The following MYLK variants were observed in gnomAD, a reference collection of about 807,000 sequenced individuals.
MYLK encodes myosin light chain kinase, also known as myosin light chain kinase, smooth muscle.
Under a neutral mutation model 203.4 loss-of-function variants are expected in MYLK, and 106 were observed. That is an observed-to-expected ratio of 0.52 (90% CI 0.45 to 0.61). The LOEUF (loss-of-function observed/expected upper bound fraction) is 0.61, where lower values mean the gene tolerates loss of function less well. Among genes scored for constraint, MYLK ranks in the 20% least tolerant of loss-of-function variants. MYLK has a pLI of 0.00. For missense variants in MYLK, 2,072 were observed against 2,442.3 expected, an observed-to-expected ratio of 0.85 and a Z score of 3.20; for synonymous variants, 867 against 959.5, an observed-to-expected ratio of 0.90 and a Z score of 1.78.
intron 9 of MYLK, 151 bp downstream of exon 9, chr3:123,735,247 C>A: frequency 1.9e-6 from 2 of 1,070,284 alleles, no homozygotes; most frequent in Non-Finnish European, 2.9e-6. Flanking sequence ...AATAGGAGAA[C>A]AAGACAAAAC....
At position 123,657,253 on chromosome 3, in the gene MYLK, G is replaced by A. The variant is rs775333232; in HGVS notation, c.4161C>T (p.Thr1387=). The A allele has an allele frequency of 3.7e-6, 6 of 1,614,190 alleles. No homozygotes were observed. Among genetic ancestry groups the A allele is most frequent in the Middle Eastern group, 3.3e-4 (2 of 6,062 alleles). The change falls in exon 24 of 34, where the codon ACC becomes ACT. Residue 1387 remains threonine, a synonymous_variant. Transcript: ENST00000360304. ...TWKELATCRS[T]SFNVQDLLPD... ...GCAGCAGGTCCTGGACGTTGAAAGA[G>A]GTGCTGCGGCATGTGGCTAGTTCCT...
At chr3:123,649,681 A>G (rs903637628) in intron 24 of MYLK, among the ~76,000 whole-genome samples, 1 of 152,218 alleles carries the variant, frequency 6.6e-6, no homozygotes, top group South Asian at 2.1e-4. Flanking sequence ...TTCAAAACAT[A>G]TTACACAGAA....
chr3:123,694,982 A>G (rs2060852817), intron 18 of MYLK, among the ~76,000 whole-genome samples: 1 of 152,084 alleles, frequency 6.6e-6, no homozygotes, highest in African/African-American at 2.4e-5. Flanking sequence ...GGGATGGGAG[A>G]GGTCAGCATC....
chr3:123,844,614 T>C (rs934998309), intron 2 of MYLK, among the ~76,000 whole-genome samples: 1 of 152,058 alleles, frequency 6.6e-6, no homozygotes, highest in African/African-American at 2.4e-5. Flanking sequence ...CTCCATCGGG[T>C]TGTGATAAAG....
rs181207126 is a variant in MYLK at position 123,860,349 on chromosome 3, G to C, written c.-127+16210C>G. Among the ~76,000 whole-genome samples the C allele has an allele frequency of 6.1e-4, 93 of 152,286 alleles. 2 individuals carry two copies. The South Asian group carries it at 0.011, about 18-fold the overall frequency. On this transcript the variant is annotated intron_variant, in intron 2 of 33. Coordinates refer to ENST00000360304, the MANE Select transcript of MYLK (RefSeq NM_053025.4). ...CACTGGGGTGGACAGCTGGCTGCTCGAATTCTTTGATCAGGGCACTGCTGT... is the reference window on the plus strand; with the variant it reads ...CACTGGGGTGGACAGCTGGCTGCTCCAATTCTTTGATCAGGGCACTGCTGT...
intron 11 of MYLK, among the ~76,000 whole-genome samples, chr3:123,727,366 G>A (rs2062327153): frequency 6.6e-6 from 1 of 152,258 alleles, no homozygotes; most frequent in African/African-American, 2.4e-5. Context: ...GCCTTTGGGA[G>A]TTATCAAAAA....
chr3:123,761,674 A>T (rs1463391), intron 4 of MYLK, among the ~76,000 whole-genome samples: 146,867 of 152,310 alleles, frequency 0.96, 71,056 homozygotes, highest in Middle Eastern at 1. Flanking sequence ...TTGTTTCTCA[A>T]GCAATGTCAG....
rs144651189 is a variant in MYLK, at chr3:123,726,188, C to A, written c.1517-110G>T. 1.6e-4 allele frequency: 226 copies of A among 1,408,068 alleles called. 2 individuals are homozygous for A. The African/African-American group carries it at 2.8e-3, about 18-fold the overall frequency. 87.2% of individuals were successfully genotyped at this position (1,408,068 alleles called of 1,614,324 possible). ...CCTCACTGTCCTGGACACCTGGGTA[C>A]CCTCGGCAGCCTGCCTTTGGCTTCT... On this transcript the variant is annotated intron_variant, in intron 11 of 33. Coordinates refer to ENST00000360304, the MANE Select transcript of MYLK (RefSeq NM_053025.4).
At chr3:123,821,634 GCCTC>G (rs1305514396) in intron 3 of MYLK, among the ~76,000 whole-genome samples, 10 of 152,114 alleles carry the variant, frequency 6.6e-5, no homozygotes, top group Admixed American at 5.9e-4. Context: ...TGCTGGTCCT[GCCTC>G]CCCCAAGATG....
At chr3:123,875,918 G>C (rs758601078) in intron 2 of MYLK, among the ~76,000 whole-genome samples, 6 of 152,022 alleles carry the variant, frequency 3.9e-5, no homozygotes, top group Non-Finnish European at 8.8e-5. Context: ...TTAACTTTTA[G>C]AAAAAGATAT....
At chr3:123,797,329 C>T (rs1168488369) in intron 3 of MYLK, among the ~76,000 whole-genome samples, 3 of 152,052 alleles carry the variant, frequency 2.0e-5, no homozygotes, top group Non-Finnish European at 2.9e-5. Context: ...AAGATATATT[C>T]ATTCACTCAA....
chr3:123,667,518 C>T (rs551161121), intron 20 of MYLK, among the ~76,000 whole-genome samples: 7 of 151,848 alleles, frequency 4.6e-5, no homozygotes, highest in African/African-American at 9.7e-5. Flanking sequence ...GCAGGAGAAT[C>T]GCTTTAACCT....
At chr3:123,833,774 T>C (rs2066406303) in intron 2 of MYLK, among the ~76,000 whole-genome samples, 1 of 152,192 alleles carries the variant, frequency 6.6e-6, no homozygotes, top group African/African-American at 2.4e-5. Flanking sequence ...TTTTCAACCC[T>C]ATCAGGCATT....
intron 20 of MYLK, among the ~76,000 whole-genome samples, chr3:123,678,732 A>AT (rs1456249152): frequency 2.0e-5 from 3 of 152,110 alleles, no homozygotes; most frequent in Non-Finnish European, 4.4e-5. Flanking sequence ...TAAGAAAAAA[A>AT]GGCAAGTTGC....
At chr3:123,721,404 C>T (rs1441216353) in intron 13 of MYLK, among the ~76,000 whole-genome samples, 3 of 152,098 alleles carry the variant, frequency 2.0e-5, no homozygotes, top group African/African-American at 4.8e-5. Flanking sequence ...GAAGCACTTC[C>T]ACGGGAACTG....
At chr3:123,682,183 CT>C (rs1385440746) in intron 20 of MYLK, 40 bp downstream of exon 20, 1 of 1,524,938 alleles carries the variant, frequency 6.6e-7, no homozygotes, top group South Asian at 1.2e-5. Context: ...GTGCCTGCCC[CT>C]GCCTCTGCCT....
intron 2 of MYLK, among the ~76,000 whole-genome samples, chr3:123,839,934 C>T (rs1044381430): frequency 1.3e-5 from 2 of 152,124 alleles, no homozygotes; most frequent in African/African-American, 4.8e-5. Context: ...TTAAACAACA[C>T]ATTTCCAAAT....
chr3:123,733,569 G>A lies in MYLK; in HGVS notation c.1309+118C>T, dbSNP rs148567854. On this transcript the variant is annotated intron_variant, in intron 10 of 33. Transcript: ENST00000360304. ...CCTTGTAAGGTGGTTTTCTAGGGGA[G>A]CTAGTCCAAGAAGATGAGTGGATAT... The A allele has an allele frequency of 2.9e-4, 371 of 1,294,152 alleles. 3 individuals carry two copies. In the African/African-American group the frequency reaches 4.7e-3, roughly 16 times the overall value. The allele number at this position is 1,294,152 out of a possible 1,614,324, so 80.2% of individuals were successfully genotyped here.
intron 4 of MYLK, among the ~76,000 whole-genome samples, chr3:123,782,090 G>A (rs144516787): frequency 4.4e-4 from 67 of 152,250 alleles, no homozygotes; most frequent in African/African-American, 1.3e-3. Flanking sequence ...CATCTGAATC[G>A]TGATTTTATA....
Sources: gnomAD v4.1 joint callset for allele counts (sites outside exome capture counted in the v4.1 genomes callset) on GRCh38, gnomAD v4.1.1 for gene constraint, MANE v1.5 for transcripts, NCBI Gene and HGNC (gene_info 2026-07-23, HGNC 2026-07-21) for gene names.